The following ADRA1B variants were observed in gnomAD, a reference collection of about 807,000 sequenced individuals.
ADRA1B encodes the protein alpha-1B adrenergic receptor.
ADRA1B carries 17 observed loss-of-function variants against 17.9 expected under a neutral mutation model. The ratio of observed to expected loss-of-function variants is 0.95; its 90% CI spans 0.65 to 1.42. The LOEUF (loss-of-function observed/expected upper bound fraction) is 1.42, where lower values mean the gene tolerates loss of function less well. ADRA1B is among the 40% of genes most tolerant of loss of function. The probability of loss-of-function intolerance (pLI) is 0.00; values close to 1 mark genes in which losing one functional copy is unlikely to be tolerated. For synonymous variants in ADRA1B, 366 were observed against 327.6 expected (o/e 1.12, Z -1.27); for missense variants, 681 against 722.1 (o/e 0.94, Z 0.65).
At chr5:159,950,478 G>A in intron 1 of ADRA1B, 5 of 1,363,238 alleles carry the variant, frequency 3.7e-6, no homozygotes, top group East Asian at 2.3e-5. Context: ...CACTGGGGCT[G>A]GTGGTCCAGG....
At chr5:159,961,259 A>G (rs1755659407) in intron 1 of ADRA1B, among the ~76,000 whole-genome samples, 1 of 152,250 alleles carries the variant, frequency 6.6e-6, no homozygotes, top group African/African-American at 2.4e-5. Flanking sequence ...AATGAAATAC[A>G]TAGTAGCAGG....
At chr5:159,969,626 T>TGA (rs1184514442) in intron 1 of ADRA1B, among the ~76,000 whole-genome samples, 6 of 152,228 alleles carry the variant, frequency 3.9e-5, no homozygotes, top group Admixed American at 3.9e-4. Context: ...TTTTCACAAA[T>TGA]AGATTCAGTG....
intron 1 of ADRA1B, among the ~76,000 whole-genome samples, chr5:159,871,575 A>T (rs1205429655): frequency 6.6e-6 from 1 of 151,624 alleles, no homozygotes; most frequent in East Asian, 1.9e-4. Context: ...CCTCTCTTTT[A>T]TTTTATAAGG....
chr5:159,917,273 C>T lies in ADRA1B; in HGVS notation c.368C>T (p.Ala123Val). 1 of 1,614,122 alleles carries T rather than the reference C, an allele frequency of 6.2e-7. No homozygotes were observed. The highest frequency in any genetic ancestry group is 8.5e-7 in the Non-Finnish European group (1 of 1,180,026). ...LGRIFCDIWA[A>V]VDVLCCTASI... ...CGGATCTTCTGTGACATCTGGGCAG[C>T]CGTGGATGTCCTGTGCTGCACAGCG... Residue 123 changes from alanine (A) to valine (V), a missense_variant, in exon 1 of 2, where the codon GCC (alanine) becomes GTC (valine). Coordinates refer to ENST00000306675, the MANE Select transcript of ADRA1B (RefSeq NM_000679.4).
chr5:159,924,030 A>G (rs1050960080), intron 1 of ADRA1B, among the ~76,000 whole-genome samples: 3 of 152,290 alleles, frequency 2.0e-5, no homozygotes, highest in Non-Finnish European at 1.5e-5. Flanking sequence ...TTGGCACTCA[A>G]TAAACATTCA....
chr5:159,913,240 C>CT (rs1381036287), upstream of ADRA1B, among the ~76,000 whole-genome samples: 1 of 152,200 alleles, frequency 6.6e-6, no homozygotes, highest in Non-Finnish European at 1.5e-5. Flanking sequence ...CTGTGCTTGA[C>CT]TTTGCCCCAG....
Position 159,917,247 on chromosome 5 carries a change from G to A in ADRA1B, c.342G>A (p.Gly114=), listed in dbSNP as rs1170973612. The A allele has an allele frequency of 3.7e-6, 6 of 1,614,154 alleles. No individual in the cohort carries two copies. Among genetic ancestry groups the A allele is most frequent in the Admixed American group, 1.7e-5 (1 of 60,030 alleles). ...ALEVLGYWVL[G]RIFCDIWAAV... is the part of the protein sequence containing the mutation. ...AGGTGCTCGGCTACTGGGTGCTGGG[G>A]CGGATCTTCTGTGACATCTGGGCAG... The change falls in exon 1 of 2, where the codon GGG becomes GGA. Residue 114 remains glycine (G), a synonymous_variant. Transcript: ENST00000306675.
At chr5:159,981,869 A>AT in the ADRA1B span, among the ~76,000 whole-genome samples, 1 of 152,224 alleles carries the variant, frequency 6.6e-6, no homozygotes, top group Non-Finnish European at 1.5e-5. Flanking sequence ...CCAGTGATGC[A>AT]TACTTAGAAA....
intron 1 of ADRA1B, among the ~76,000 whole-genome samples, chr5:159,883,438 G>A (rs1385476359): frequency 1.3e-5 from 2 of 152,182 alleles, no homozygotes; most frequent in Non-Finnish European, 2.9e-5. Context: ...CCAAGAATTA[G>A]ACTCAAACTT....
chr5:159,866,481 G>A (rs577865354), intron 1 of ADRA1B, among the ~76,000 whole-genome samples: 1 of 151,834 alleles, frequency 6.6e-6, no homozygotes, highest in African/African-American at 2.4e-5. Context: ...TAGCTACTCT[G>A]GAGGCTGAGG....
At chr5:159,922,609 G>A (rs574283841) in intron 1 of ADRA1B, among the ~76,000 whole-genome samples, 1 of 152,258 alleles carries the variant, frequency 6.6e-6, no homozygotes, top group South Asian at 2.1e-4. Flanking sequence ...TTCTAGCTCA[G>A]GGCTCGATGT....
At chr5:159,903,323 A>T (rs1216908893) in intron 1 of ADRA1B, among the ~76,000 whole-genome samples, 2 of 152,180 alleles carry the variant, frequency 1.3e-5, no homozygotes, top group Non-Finnish European at 2.9e-5. Context: ...ACAATAAGTA[A>T]ATCCCTCTTC....
Position 159,972,311 on chromosome 5 carries a change from C to T in ADRA1B, c.1382C>T (p.Pro461Leu). ...GALLSLPAPE[P>L]PGRRGRHDSG... ...CTCCTGAGCCTGCCCGCGCCTGAGC[C>T]CCCCGGCCGCCGCGGCCGCCACGAC... Residue 461 changes from proline to leucine, a missense_variant, in exon 2 of 2, where the codon CCC (proline) becomes CTC (leucine). Physicochemically the swap from Pro to Leu is moderately conservative, Grantham distance 98 (BLOSUM62 -3). Around this residue, in one of 3 missense-constraint regions of ADRA1B, gnomAD observed 251 missense variants for 224.9 expected, o/e 1.12. Transcript: ENST00000306675. 4.9e-6 allele frequency: 7 copies of T among 1,430,660 alleles called. No individual in the cohort carries two copies. Among genetic ancestry groups the T allele is most frequent in the Non-Finnish European group, 6.4e-6 (7 of 1,097,760 alleles). The allele number at this position is 1,430,660 out of a possible 1,614,324, so 88.6% of individuals were successfully genotyped here.
chr5:159,914,642 G>C (rs1375521585), upstream of ADRA1B, among the ~76,000 whole-genome samples: 2 of 152,082 alleles, frequency 1.3e-5, no homozygotes, highest in Non-Finnish European at 2.9e-5. Flanking sequence ...CACTTTGCTG[G>C]GAGTAAATTA....
At chr5:159,964,337 A>C (rs879621841) in intron 1 of ADRA1B, among the ~76,000 whole-genome samples, 1 of 152,226 alleles carries the variant, frequency 6.6e-6, no homozygotes, top group Non-Finnish European at 1.5e-5. Flanking sequence ...CTTTTCGAGA[A>C]AGAGGGAGCA....
chr5:159,966,255 T>C (rs1438624197), intron 1 of ADRA1B, among the ~76,000 whole-genome samples: 1 of 152,222 alleles, frequency 6.6e-6, no homozygotes, highest in Non-Finnish European at 1.5e-5. Flanking sequence ...CAATAATTAT[T>C]ATTTAGTTAA....
At chr5:159,899,275 G>GAAGGAAGGAAGA (rs763382663) in intron 1 of ADRA1B, among the ~76,000 whole-genome samples, 16,728 of 121,906 alleles carry the variant, frequency 0.14, 1,232 homozygotes, top group Non-Finnish European at 0.2. Context: ...AGGAAGGAAG[G>GAAGGAAGGAAGA]AAGGAAGGAA....
chr5:159,923,393 A>G lies in ADRA1B; in HGVS notation c.949+5539A>G, dbSNP rs540041097. On this transcript the variant is annotated intron_variant, in intron 1 of 1. Transcript: ENST00000306675. ...TGGCAGTGAGAGATGATGATGACCT[A>G]GACTAGGCAGGGGCAGTGGAGGTGG... Among the ~76,000 whole-genome samples the G allele has an allele frequency of 3.3e-5, 5 of 152,272 alleles. No homozygotes were observed. In the South Asian group the frequency reaches 1.0e-3, roughly 32 times the overall value.
At chr5:159,865,680 A>G (rs1336327223) in intron 1 of ADRA1B, among the ~76,000 whole-genome samples, 1 of 152,232 alleles carries the variant, frequency 6.6e-6, no homozygotes, top group Non-Finnish European at 1.5e-5. Flanking sequence ...CTGCTTGAAG[A>G]AATCCAGAAA....
Sources: allele counts gnomAD v4.1 joint callset (sites outside exome capture counted in the v4.1 genomes callset), GRCh38; gene constraint gnomAD v4.1.1; regional missense constraint gnomAD v4.1.1; transcripts MANE v1.5; gene names NCBI Gene and HGNC (gene_info 2026-07-23, HGNC 2026-07-21).